Variants in BDKRB2 observed in about 807,000 individuals in gnomAD.
The protein encoded by BDKRB2 is bradykinin receptor B2.
In BDKRB2, 6 loss-of-function variants were observed where a neutral mutation model predicts 4.0. That is an observed-to-expected ratio of 1.49 (90% CI 0.81 to 2.93). The LOEUF is 2.93. Among genes scored for constraint, BDKRB2 ranks in the 30% most tolerant of loss-of-function variants. BDKRB2 has a pLI of 0.00. For synonymous variants in BDKRB2, 225 were observed against 215.3 expected, an observed-to-expected ratio of 1.05 and a Z score of -0.40; for missense variants, 478 against 520.1, an observed-to-expected ratio of 0.92 and a Z score of 0.79.
At chr14:96,233,140 C>T (rs531701868) in intron 1 of BDKRB2, among the ~76,000 whole-genome samples, 68 of 152,174 alleles carry the variant, frequency 4.5e-4, no homozygotes, top group Non-Finnish European at 7.9e-4. Flanking sequence ...GATCCTCCCA[C>T]CTCAGCCTCC....
intron 1 of BDKRB2, among the ~76,000 whole-genome samples, chr14:96,219,904 T>C (rs1387658858): frequency 1.3e-5 from 2 of 151,956 alleles, no homozygotes; most frequent in African/African-American, 4.8e-5. Context: ...GAAGAGCTCC[T>C]GCCCTTTGTG....
chr14:96,223,080 G>A (rs1595254327), intron 1 of BDKRB2: 1 of 1,026,562 alleles, frequency 9.7e-7, no homozygotes, highest in East Asian at 2.5e-5. Context: ...TGGCGGCACA[G>A]GGCTGAAGGC....
rs1489488893 is a variant in BDKRB2, at chr14:96,223,147, G to A, written c.-39-13922G>A. Reference sequence around the variant, plus strand: ...AATTCACTATTCGGACAGATACGACGACGAGGAGTTTGAGTATCGACATGT... The same window carrying A: ...AATTCACTATTCGGACAGATACGACAACGAGGAGTTTGAGTATCGACATGT... On this transcript the variant is annotated intron_variant, in intron 1 of 2. Transcript: ENST00000554311. 27 of 1,260,828 alleles carry A rather than the reference G, an allele frequency of 2.1e-5. No individual in the cohort carries two copies. The East Asian group carries it at 3.5e-4, about 16-fold the overall frequency. The allele number at this position is 1,260,828 out of a possible 1,614,324, so 78.1% of individuals were successfully genotyped here.
intron 1 of BDKRB2, among the ~76,000 whole-genome samples, chr14:96,216,742 GAGGAGGAAGGAGGAGGAGGAGGAGGA>G (rs1890431283): frequency 8.9e-6 from 1 of 111,960 alleles, no homozygotes; most frequent in Non-Finnish European, 1.9e-5. Flanking sequence ...GAAGGAGGAG[GAGGAGGAAGGAGGAGGAGGAGGAGGA>G]AGGAGGAGGA....
At position 96,243,931 on chromosome 14, in the gene BDKRB2, G is replaced by A. The variant is rs200909513; in HGVS notation, c.*2427G>A. 439 of 367,238 alleles carry A rather than the reference G, an allele frequency of 1.2e-3. No individual in the cohort carries two copies. Among genetic ancestry groups the A allele is most frequent in the Middle Eastern group, 0.01 (15 of 1,458 alleles). 22.7% of individuals were successfully genotyped at this position (367,238 alleles called of 1,614,324 possible). On this transcript the variant is annotated 3_prime_UTR_variant, in exon 3 of 3. Transcript: ENST00000554311. ...ATGGTCTGAGACTCTCTTAGGAGCAGAGCTCTGCCGCAATGGCCATGTGGG... is the reference window on the plus strand; with the variant it reads ...ATGGTCTGAGACTCTCTTAGGAGCAAAGCTCTGCCGCAATGGCCATGTGGG...
At chr14:96,214,217 C>T (rs1053930184) in intron 1 of BDKRB2, among the ~76,000 whole-genome samples, 1 of 152,228 alleles carries the variant, frequency 6.6e-6, no homozygotes, top group African/African-American at 2.4e-5. Flanking sequence ...CAGGGACTTT[C>T]CCTGCAAGTG....
intron 1 of BDKRB2, among the ~76,000 whole-genome samples, chr14:96,212,329 G>A (rs1264674857): frequency 6.6e-6 from 1 of 152,022 alleles, no homozygotes; most frequent in African/African-American, 2.4e-5. Context: ...AAACTTATGG[G>A]ATGCAGCCAA....
chr14:96,240,062 A>G, intron 2 of BDKRB2: 1 of 1,041,482 alleles, frequency 9.6e-7, no homozygotes, highest in Non-Finnish European at 1.2e-6. Context: ...TTGATAAGGA[A>G]GGAATGTGAA....
rs990946439 is a variant in BDKRB2 at position 96,240,200 on chromosome 14, T to C, written c.75-203T>C. The stretch of plus-strand genomic sequence containing the variant: ...AGATGAAGAACATGAGGCCCCCGTT[T>C]AGATCCAAGGATCAGAGGGGGCTCT... On this transcript the variant is annotated intron_variant, in intron 2 of 2. Transcript: ENST00000554311. The C allele has an allele frequency of 3.1e-6, 4 of 1,295,078 alleles. No homozygotes were observed. The Admixed American group carries it at 9.0e-5, about 29-fold the overall frequency. 80.2% of individuals were successfully genotyped at this position (1,295,078 alleles called of 1,614,324 possible). A position where few individuals can be genotyped will look rare whatever the true frequency, so the allele number is the denominator to read the frequency against.
intron 2 of BDKRB2, chr14:96,239,063 G>T: frequency 1.0e-6 from 1 of 985,464 alleles, no homozygotes; most frequent in Non-Finnish European, 1.2e-6. Flanking sequence ...CAGAGGTGAT[G>T]ATCAGTATCT....
At chr14:96,232,903 G>A (rs1252913362) in intron 1 of BDKRB2, among the ~76,000 whole-genome samples, 1 of 152,172 alleles carries the variant, frequency 6.6e-6, no homozygotes, top group African/African-American at 2.4e-5. Context: ...CTCCACTTCC[G>A]AGTTCTTGGT....
At position 96,241,804 on chromosome 14, in the gene BDKRB2, G is replaced by A. The variant is rs201355881; in HGVS notation, c.*300G>A. ...TCCCAGGAGTGGAGGAGGCCTGGGG[G>A]CAGGGAGAGGAGTGACTGAGCTTCC... On this transcript the variant is annotated 3_prime_UTR_variant, in exon 3 of 3. Transcript: ENST00000554311. 14 of 271,774 alleles carry A rather than the reference G, an allele frequency of 5.2e-5. No homozygotes were observed. Among genetic ancestry groups the A allele is most frequent in the Non-Finnish European group, 6.9e-5 (10 of 145,976 alleles). The allele number at this position is 271,774 out of a possible 1,614,324, so 16.8% of individuals were successfully genotyped here.
At chr14:96,226,517 A>G (rs1214885247) in intron 1 of BDKRB2, among the ~76,000 whole-genome samples, 2 of 152,088 alleles carry the variant, frequency 1.3e-5, no homozygotes, top group Non-Finnish European at 1.5e-5. Context: ...AGCTGGGCGT[A>G]GTGGTGCATG....
chr14:96,210,583 G>T (rs1044288660), intron 1 of BDKRB2, among the ~76,000 whole-genome samples: 1 of 152,184 alleles, frequency 6.6e-6, no homozygotes, highest in African/African-American at 2.4e-5. Context: ...ATCTTGAAAG[G>T]TTTCACCCAG....
intron 1 of BDKRB2, among the ~76,000 whole-genome samples, chr14:96,209,802 C>T (rs559100317): frequency 1.7e-4 from 26 of 152,232 alleles, no homozygotes; most frequent in African/African-American, 5.8e-4. Context: ...TCGAGACCAG[C>T]CTGTCCAACA....
intron 1 of BDKRB2, among the ~76,000 whole-genome samples, chr14:96,205,425 G>C (rs750670283): frequency 4.7e-5 from 7 of 150,496 alleles, no homozygotes; most frequent in African/African-American, 1.7e-4. Flanking sequence ...CAGTTTCTCT[G>C]TCTGCAAAGC....
chr14:96,238,615 T>C lies in BDKRB2; in HGVS notation c.74+1434T>C, dbSNP rs2242961. 2.6e-3 allele frequency: 2,587 copies of C among 982,356 alleles called. 52 individuals carry two copies. In the African/African-American group the frequency reaches 0.042, roughly 16 times the overall value. 60.9% of individuals were successfully genotyped at this position (982,356 alleles called of 1,614,324 possible). A position where few individuals can be genotyped will look rare whatever the true frequency, so the allele number is the denominator to read the frequency against. ...ACCTCTTGCTACTTCCCACCTCTCCTGTCCAACATCTAGTGTCACTTTCCA... is the reference window on the plus strand; with the variant it reads ...ACCTCTTGCTACTTCCCACCTCTCCCGTCCAACATCTAGTGTCACTTTCCA... On this transcript the variant is annotated intron_variant, in intron 2 of 2. Transcript: ENST00000554311.
intron 1 of BDKRB2, among the ~76,000 whole-genome samples, chr14:96,220,584 T>A (rs912288022): frequency 6.6e-6 from 1 of 151,982 alleles, no homozygotes; most frequent in Admixed American, 6.5e-5. Flanking sequence ...GGTACCAACA[T>A]GAGACTCCGA....
rs565938793 is a variant in BDKRB2, at chr14:96,206,772, A to G, written c.-40+1813A>G. ...CTGGGCGCGGTGGGGGGAGCCCTGC[A>G]GATTTGCCCAGTGTCATAGCCTGTT... On this transcript the variant is annotated intron_variant, in intron 1 of 2. Transcript: ENST00000554311. Among the ~76,000 whole-genome samples, 335 of 152,074 alleles carry G rather than the reference A, an allele frequency of 2.2e-3. 1 individual carries two copies. The highest frequency in any genetic ancestry group is 7.8e-3 in the African/African-American group (322 of 41,486).
Sources: gnomAD v4.1 joint callset for allele counts (sites outside exome capture counted in the v4.1 genomes callset) on GRCh38, gnomAD v4.1.1 for gene constraint, MANE v1.5 for transcripts, NCBI Gene and HGNC (gene_info 2026-07-23, HGNC 2026-07-21) for gene names.